Variants in DYM observed in about 807,000 individuals in gnomAD.
DYM encodes the protein dymeclin.
Under a neutral mutation model 93.1 loss-of-function variants are expected in DYM, and 78 were observed. The ratio of observed to expected loss-of-function variants is 0.84; its 90% CI spans 0.70 to 1.01. The LOEUF (loss-of-function observed/expected upper bound fraction) is 1.01, where lower values mean the gene tolerates loss of function less well. Ranked by LOEUF, DYM falls within the 50% of genes least tolerant of loss-of-function variation. The pLI is 0.00. For missense variants in DYM, 789 were observed against 845.0 expected, an observed-to-expected ratio of 0.93 and a Z score of 0.82; for synonymous variants, 321 against 319.7, an observed-to-expected ratio of 1.00 and a Z score of -0.04.
intron 8 of DYM, among the ~76,000 whole-genome samples, chr18:49,305,388 G>A (rs1479953170): frequency 2.0e-5 from 3 of 152,112 alleles, no homozygotes; most frequent in Admixed American, 2.0e-4. Flanking sequence ...CTACTACATT[G>A]ACCTAGTCCC....
intron 5 of DYM, among the ~76,000 whole-genome samples, 161 bp from the exon 6 acceptor site, chr18:49,363,394 G>A (rs1197345923): frequency 6.6e-6 from 1 of 152,154 alleles, no homozygotes; most frequent in East Asian, 1.9e-4. Context: ...TCATGAATAG[G>A]TTAGCATCTA....
intron 3 of DYM, among the ~76,000 whole-genome samples, chr18:49,388,965 C>T (rs531698697): frequency 1.3e-5 from 2 of 149,568 alleles, no homozygotes; most frequent in East Asian, 3.9e-4. Flanking sequence ...AGTAGACCAG[C>T]ACTTAAAAAA....
At chr18:49,407,900 C>A (rs761762075) in intron 2 of DYM, among the ~76,000 whole-genome samples, 1 of 151,964 alleles carries the variant, frequency 6.6e-6, no homozygotes, top group Non-Finnish European at 1.5e-5. Flanking sequence ...ATTTTTGCAA[C>A]CTCTAATCCA....
intron 17 of DYM, among the ~76,000 whole-genome samples, chr18:49,081,267 C>G (rs1419064539): frequency 6.6e-6 from 1 of 150,840 alleles, no homozygotes; most frequent in South Asian, 2.1e-4. Flanking sequence ...CTCGGGAGGC[C>G]GAGGCTGGCG....
At chr18:49,380,491 C>T (rs1365734121) in intron 3 of DYM, among the ~76,000 whole-genome samples, 1 of 152,196 alleles carries the variant, frequency 6.6e-6, no homozygotes, top group Non-Finnish European at 1.5e-5. Context: ...AATCCTCACA[C>T]CAACCCTCCA....
At chr18:49,431,646 A>G (rs1310461108) in intron 1 of DYM, 1 of 152,226 alleles carries the variant, frequency 6.6e-6, no homozygotes, top group Non-Finnish European at 1.5e-5. Context: ...TACCATCACA[A>G]TGAAAGGAAA....
At chr18:49,299,765 C>T (rs1246620292) in intron 8 of DYM, among the ~76,000 whole-genome samples, 4 of 151,822 alleles carry the variant, frequency 2.6e-5, no homozygotes, top group African/African-American at 7.3e-5. Flanking sequence ...TCATATGGTC[C>T]GGACACGGTG....
intron 1 of DYM, among the ~76,000 whole-genome samples, chr18:49,435,115 C>T (rs1333167949): frequency 6.8e-6 from 1 of 146,256 alleles, no homozygotes; most frequent in Non-Finnish European, 1.5e-5. Flanking sequence ...GACTAAGGCA[C>T]GAGAATCACT....
Position 49,423,894 on chromosome 18 carries a change from G to C in DYM, c.140+6361C>G, listed in dbSNP as rs151142794. Among the ~76,000 whole-genome samples the C allele has an allele frequency of 4.8e-3, 737 of 152,264 alleles. 37 individuals are homozygous for C. The East Asian group carries it at 0.1, about 21-fold the overall frequency. ...TACCAATAACAGGCTCTGAAATTGA[G>C]GCAATAATTAATAGCCTATAAACCA... On this transcript the variant is annotated intron_variant, in intron 2 of 17. Transcript: ENST00000675505.
At chr18:49,280,110 C>T (rs966341169) in intron 10 of DYM, among the ~76,000 whole-genome samples, 1 of 152,198 alleles carries the variant, frequency 6.6e-6, no homozygotes, top group African/African-American at 2.4e-5. Context: ...TAGTTATCTA[C>T]ATACTATGTA....
intron 15 of DYM, among the ~76,000 whole-genome samples, chr18:49,127,379 C>A (rs905494003): frequency 6.6e-6 from 1 of 152,208 alleles, no homozygotes; most frequent in Non-Finnish European, 1.5e-5. Context: ...TTGTTAACAG[C>A]AGTCAGAGTT....
intron 2 of DYM, among the ~76,000 whole-genome samples, chr18:49,395,142 A>G (rs1568372031): frequency 6.6e-6 from 1 of 152,208 alleles, no homozygotes; most frequent in Non-Finnish European, 1.5e-5. Flanking sequence ...GACAAATAGG[A>G]TTATATCAAA....
At chr18:49,222,199 C>T (rs934483721) in intron 13 of DYM, among the ~76,000 whole-genome samples, 1 of 151,766 alleles carries the variant, frequency 6.6e-6, no homozygotes, top group African/African-American at 2.4e-5. Flanking sequence ...AAGAGAAAAA[C>T]ATTATATTTA....
At chr18:49,390,334 G>A (rs2069083544) in intron 3 of DYM, among the ~76,000 whole-genome samples, 1 of 152,086 alleles carries the variant, frequency 6.6e-6, no homozygotes, top group South Asian at 2.1e-4. Context: ...GGAGGCTGAG[G>A]TGGAAGGATC....
chr18:49,186,964 G>A (rs149782843), intron 14 of DYM, among the ~76,000 whole-genome samples: 1 of 145,700 alleles, frequency 6.9e-6, no homozygotes, highest in Non-Finnish European at 1.5e-5. Context: ...CTGTCACCCA[G>A]GCTGGAGTGC....
At chr18:49,047,736 G>A (rs1418827422) in intron 17 of DYM, among the ~76,000 whole-genome samples, 5 of 152,176 alleles carry the variant, frequency 3.3e-5, no homozygotes, top group African/African-American at 7.2e-5. Flanking sequence ...TCTCAGGTAT[G>A]TGGGTGCTTA....
intron 8 of DYM, among the ~76,000 whole-genome samples, chr18:49,319,321 A>G (rs1174364922): frequency 6.6e-6 from 1 of 152,228 alleles, no homozygotes; most frequent in African/African-American, 2.4e-5. Context: ...ATAGCTAGCA[A>G]GGCTTCCAAT....
intron 15 of DYM, among the ~76,000 whole-genome samples, chr18:49,141,586 T>A (rs940194504): frequency 1.3e-5 from 2 of 152,196 alleles, no homozygotes; most frequent in African/African-American, 4.8e-5. Flanking sequence ...TCCTCATTTT[T>A]TCTCTGGCAA....
chr18:49,319,959 T>C (rs571764951), intron 8 of DYM, among the ~76,000 whole-genome samples: 1 of 152,276 alleles, frequency 6.6e-6, no homozygotes, highest in East Asian at 1.9e-4. Flanking sequence ...TTAAGGACCA[T>C]GGTATCACAA....
Sources: gnomAD v4.1 joint callset for allele counts (sites outside exome capture counted in the v4.1 genomes callset) on GRCh38, gnomAD v4.1.1 for gene constraint, MANE v1.5 for transcripts, NCBI Gene and HGNC (gene_info 2026-07-23, HGNC 2026-07-21) for gene names.